The following SIPA1L2 variants were observed in gnomAD, a reference collection of about 807,000 sequenced individuals.
The protein encoded by SIPA1L2 is signal induced proliferation associated 1 like 2, also known as signal-induced proliferation-associated 1-like protein 2.
SIPA1L2 carries 56 observed loss-of-function variants against 163.9 expected under a neutral mutation model. The ratio of observed to expected loss-of-function variants is 0.34; its 90% CI spans 0.28 to 0.43. The LOEUF is 0.43. Ranked by LOEUF, SIPA1L2 falls within the 20% of genes least tolerant of loss-of-function variation. The probability of loss-of-function intolerance (pLI) is 1.00; values close to 1 mark genes in which losing one functional copy is unlikely to be tolerated. For synonymous variants in SIPA1L2, 877 were observed against 865.7 expected (o/e 1.01, Z -0.23); for missense variants, 1,974 against 2,193.5 (o/e 0.90, Z 2.00).
intron 19 of SIPA1L2, 64 bp from the exon 20 acceptor site, chr1:232,404,242 G>A: frequency 6.6e-7 from 1 of 1,515,984 alleles, no homozygotes; most frequent in Non-Finnish European, 9.1e-7. Context: ...GAATCTCGGG[G>A]GCCCACAAAA....
chr1:232,440,440 G>A (rs570721738), intron 14 of SIPA1L2, among the ~76,000 whole-genome samples: 58 of 152,102 alleles, frequency 3.8e-4, no homozygotes, highest in African/African-American at 1.3e-3. Flanking sequence ...TCAAAACTAC[G>A]CCCACACCAT....
At chr1:232,464,273 T>TA (rs1664395928) in intron 9 of SIPA1L2, among the ~76,000 whole-genome samples, 1 of 152,220 alleles carries the variant, frequency 6.6e-6, no homozygotes, top group South Asian at 2.1e-4. Flanking sequence ...GGTTTTGCAC[T>TA]AAAAATCACA....
chr1:232,398,881 G>A lies in SIPA1L2; in HGVS notation c.*246C>T, dbSNP rs915251482. 15 of 460,032 alleles carry A rather than the reference G, an allele frequency of 3.3e-5. No individual in the cohort carries two copies. Among genetic ancestry groups the A allele is most frequent in the Admixed American group, 2.2e-4 (6 of 27,752 alleles). 28.5% of individuals were successfully genotyped at this position (460,032 alleles called of 1,614,324 possible). Reference sequence around the variant, plus strand: ...CTAAAAGAAAAAGGTCTCAACTGTCGCCAGGGTTTACATTCATCTTCACAC... The same window carrying A: ...CTAAAAGAAAAAGGTCTCAACTGTCACCAGGGTTTACATTCATCTTCACAC... On this transcript the variant is annotated 3_prime_UTR_variant, in exon 23 of 23. Transcript: ENST00000674635.
intron 8 of SIPA1L2, among the ~76,000 whole-genome samples, chr1:232,470,655 C>T (rs1664753960): frequency 6.6e-6 from 1 of 152,124 alleles, no homozygotes; most frequent in Admixed American, 6.5e-5. Flanking sequence ...ATAATTTAAG[C>T]TATTTATTCA....
chr1:232,523,428 GCAGGAAAT>G (rs1667545598), intron 2 of SIPA1L2, among the ~76,000 whole-genome samples: 2 of 152,192 alleles, frequency 1.3e-5, no homozygotes, highest in South Asian at 4.1e-4. Flanking sequence ...AGATGGCACA[GCAGGAAAT>G]CAGTCATTCC....
chr1:232,542,545 C>T (rs1392604741), intron 2 of SIPA1L2, among the ~76,000 whole-genome samples: 1 of 152,164 alleles, frequency 6.6e-6, no homozygotes, highest in Non-Finnish European at 1.5e-5. Flanking sequence ...AAAATCTTCA[C>T]TTTCCCTCTG....
intron 1 of SIPA1L2, among the ~76,000 whole-genome samples, chr1:232,583,642 G>A (rs1660499975): frequency 6.6e-6 from 1 of 152,140 alleles, no homozygotes; most frequent in Non-Finnish European, 1.5e-5. Flanking sequence ...ATAAAGAGAG[G>A]AGAGAATAAA....
At chr1:232,454,424 C>T (rs891152125) in intron 10 of SIPA1L2, among the ~76,000 whole-genome samples, 2 of 152,180 alleles carry the variant, frequency 1.3e-5, no homozygotes, top group Non-Finnish European at 1.5e-5. Context: ...CAGTACCTGG[C>T]AGAGCACTGG....
At chr1:232,515,812 A>G (rs1363847705) in intron 2 of SIPA1L2, among the ~76,000 whole-genome samples, 1 of 152,246 alleles carries the variant, frequency 6.6e-6, no homozygotes, top group Non-Finnish European at 1.5e-5. Context: ...ACAATCAGGT[A>G]TTAACTCATC....
chr1:232,493,786 T>C, intron 3 of SIPA1L2, 126 bp from the exon 4 acceptor site: 1 of 1,204,068 alleles, frequency 8.3e-7, no homozygotes, highest in Non-Finnish European at 1.1e-6. Flanking sequence ...AGTGATTTCC[T>C]TGTATCTGTT....
Position 232,515,101 on chromosome 1 carries a change from A to G in SIPA1L2, c.239T>C (p.Val80Ala), listed in dbSNP as rs937394306. 12 of 1,613,732 alleles carry G rather than the reference A, an allele frequency of 7.4e-6. No homozygotes were observed. The African/African-American group carries it at 1.5e-4, about 20-fold the overall frequency. ...GTCCTTTTTAGGAGGCCATTCAGAC[A>G]CCCTTGCTCTCACACCCATCTTGGG... Reference protein sequence around the residue: ...AVPKMGVRARVSEWPPKKDCS... With the variant: ...AVPKMGVRARASEWPPKKDCS... The change falls in exon 3 of 23, where the codon GTG (valine) becomes GCG (alanine). Residue 80 changes from valine to alanine, a missense_variant. Around this residue, in one of 3 missense-constraint regions of SIPA1L2, gnomAD observed 607 missense variants for 624.0 expected, o/e 0.97. Coordinates refer to ENST00000674635, the MANE Select transcript of SIPA1L2 (RefSeq NM_020808.5).
chr1:232,613,476 G>GT (rs1316581690), intron 1 of SIPA1L2, among the ~76,000 whole-genome samples: 1 of 152,152 alleles, frequency 6.6e-6, no homozygotes, highest in African/African-American at 2.4e-5. Context: ...TGGAGTCAAG[G>GT]GAACCTTCTC....
chr1:232,615,889 C>T (rs1662474495), intron 1 of SIPA1L2, among the ~76,000 whole-genome samples: 1 of 152,156 alleles, frequency 6.6e-6, no homozygotes, highest in Non-Finnish European at 1.5e-5. Flanking sequence ...AACCTGAGTC[C>T]CTAGAACTGT....
chr1:232,592,107 T>C (rs910551568), intron 1 of SIPA1L2, among the ~76,000 whole-genome samples: 4 of 151,672 alleles, frequency 2.6e-5, no homozygotes, highest in Non-Finnish European at 5.9e-5. Flanking sequence ...ACTATTTTAC[T>C]ACTAAAAATA....
intron 2 of SIPA1L2, among the ~76,000 whole-genome samples, chr1:232,527,725 C>CTTTTT (rs57868657): frequency 0.01 from 845 of 80,908 alleles, 22 homozygotes; most frequent in Middle Eastern, 0.027. Flanking sequence ...TCTTCTTCTT[C>CTTTTT]TTTTTTTTTT....
chr1:232,480,620 T>C (rs971989508), intron 6 of SIPA1L2, among the ~76,000 whole-genome samples: 1 of 152,160 alleles, frequency 6.6e-6, no homozygotes, highest in African/African-American at 2.4e-5. Context: ...TGAATGACTT[T>C]TTGCACATGG....
At chr1:232,558,747 T>TA (rs1658868055) in intron 2 of SIPA1L2, among the ~76,000 whole-genome samples, 1 of 152,196 alleles carries the variant, frequency 6.6e-6, no homozygotes, top group East Asian at 1.9e-4. Flanking sequence ...TCTTCGTTTT[T>TA]ATGCATGTTT....
At position 232,479,636 on chromosome 1, in the gene SIPA1L2, G is replaced by C; in HGVS notation, c.2076C>G (p.Asn692Lys). 1 of 1,613,360 alleles carries C rather than the reference G, an allele frequency of 6.2e-7. No homozygotes were observed. The change falls in exon 7 of 23, where the codon AAC becomes AAG. Residue 692 changes from asparagine (N) to lysine (K), a missense_variant. Physicochemically the swap from Asn to Lys is moderately conservative, Grantham distance 94 (BLOSUM62 0). This residue lies in a region of SIPA1L2 where 288 missense variants were observed against 418.9 expected (regional missense o/e 0.69). Transcript: ENST00000674635. ...GCTGGGGAGGACATACCTGTTGTCT[G>C]TTGTTGGGCATGTAGGGAAGCAGGG... is the stretch of plus-strand genomic sequence containing the variant. ...VSTLLPYMPNNRQQLLRKRHI... is the reference protein window; with the variant it reads ...VSTLLPYMPNKRQQLLRKRHI...
chr1:232,611,527 T>C (rs1003241459), intron 1 of SIPA1L2, among the ~76,000 whole-genome samples: 1 of 152,104 alleles, frequency 6.6e-6, no homozygotes, highest in Admixed American at 6.6e-5. Context: ...CAAAGGAAGA[T>C]GAGGAACTTG....
Sources: gnomAD v4.1 joint callset for allele counts (sites outside exome capture counted in the v4.1 genomes callset) on GRCh38, gnomAD v4.1.1 for gene constraint, gnomAD v4.1.1 regional missense constraint, MANE v1.5 for transcripts, NCBI Gene and HGNC (gene_info 2026-07-23, HGNC 2026-07-21) for gene names.